FBXL20: variants seen among roughly 807,000 people sequenced by gnomAD.
FBXL20 encodes the protein F-box/LRR-repeat protein 20.
A neutral mutation model predicts 64.0 loss-of-function variants in FBXL20; 11 were observed. The ratio of observed to expected loss-of-function variants is 0.17; its 90% confidence interval spans 0.11 to 0.28. The LOEUF (loss-of-function observed/expected upper bound fraction) is 0.28, where lower values mean the gene tolerates loss of function less well. Among genes scored for constraint, FBXL20 ranks in the 10% least tolerant of loss-of-function variants. FBXL20 has a pLI of 1.00. For missense variants in FBXL20, 303 were observed against 526.2 expected, an observed-to-expected ratio of 0.58 and a Z score of 4.15; for synonymous variants, 184 against 189.0, an observed-to-expected ratio of 0.97 and a Z score of 0.22.
chr17:39,300,708 A>G (rs563101461), intron 4 of FBXL20, among the ~76,000 whole-genome samples: 2 of 152,340 alleles, frequency 1.3e-5, no homozygotes, highest in South Asian at 4.1e-4. Context: ...TAAAATAAAC[A>G]TAGATTCAAT....
chr17:39,372,015 C>G (rs1424600871), intron 1 of FBXL20, among the ~76,000 whole-genome samples: 2 of 152,180 alleles, frequency 1.3e-5, no homozygotes, highest in African/African-American at 4.8e-5. Context: ...AGGAGCTTCA[C>G]AGACAAATCA....
At chr17:39,350,716 C>A (rs1293094174) in intron 1 of FBXL20, among the ~76,000 whole-genome samples, 1 of 152,116 alleles carries the variant, frequency 6.6e-6, no homozygotes, top group Non-Finnish European at 1.5e-5. Context: ...CATAAGTCTC[C>A]TAACTCCAGG....
chr17:39,396,657 G>T (rs982620429), intron 1 of FBXL20, among the ~76,000 whole-genome samples: 1 of 149,026 alleles, frequency 6.7e-6, no homozygotes, highest in Non-Finnish European at 1.5e-5. Context: ...AAAAAATTAA[G>T]ATTAATATGC....
intron 1 of FBXL20, among the ~76,000 whole-genome samples, chr17:39,361,610 A>C (rs1333118758): frequency 6.6e-6 from 1 of 151,946 alleles, no homozygotes; most frequent in Non-Finnish European, 1.5e-5. Context: ...ATCCTGGCTA[A>C]CACTGTGAAA....
At chr17:39,269,383 C>A (rs934984375) in intron 11 of FBXL20, among the ~76,000 whole-genome samples, 2 of 151,512 alleles carry the variant, frequency 1.3e-5, no homozygotes, top group African/African-American at 2.4e-5. Context: ...TTAGTAGAGA[C>A]GGGGTTTCAC....
intron 2 of FBXL20, among the ~76,000 whole-genome samples, chr17:39,339,028 T>C (rs754762512): frequency 2.7e-4 from 41 of 151,700 alleles, no homozygotes; most frequent in Admixed American, 1.4e-3. Context: ...ACTAGCCAAG[T>C]GTGGTGGTGC....
At chr17:39,325,686 C>T (rs1227731096) in intron 2 of FBXL20, among the ~76,000 whole-genome samples, 2 of 152,112 alleles carry the variant, frequency 1.3e-5, no homozygotes, top group Non-Finnish European at 2.9e-5. Flanking sequence ...TGTGAGGCAA[C>T]ATAAATTCTG....
In FBXL20 at chr17:39,401,398, C is replaced by T; in HGVS notation, c.5G>A (p.Arg2Lys). ...CTTGGTCACTCCGTTCACGTCCCTC[C>T]TCATGGGGCCGGCGGGTGCGGCCCG... MRRDVNGVTKSR... is the reference protein window; with the variant it reads MKRDVNGVTKSR... The change falls in exon 1 of 15, where the codon AGG (arginine) becomes AAG (lysine). Residue 2 changes from arginine (R) to lysine (K), a missense_variant. By Grantham distance (26) the Arg-to-Lys change is conservative. This residue lies in a region of FBXL20 where 246 missense variants were observed against 422.6 expected (regional missense o/e 0.58). Transcript: ENST00000264658. 6.2e-7 allele frequency: 1 copy of T among 1,608,822 alleles called. No individual in the cohort carries two copies. The highest frequency in any genetic ancestry group is 1.1e-5 in the South Asian group (1 of 90,450).
At chr17:39,348,151 G>A (rs2047652436) in intron 1 of FBXL20, among the ~76,000 whole-genome samples, 1 of 151,284 alleles carries the variant, frequency 6.6e-6, no homozygotes, top group African/African-American at 2.4e-5. Context: ...CCTGAGGGCT[G>A]TGTCACACAC....
intron 1 of FBXL20, among the ~76,000 whole-genome samples, chr17:39,363,827 C>CAAAAAACAAAAAAA (rs2047827136): frequency 1.3e-5 from 1 of 78,008 alleles, no homozygotes; most frequent in African/African-American, 5.4e-5. Flanking sequence ...AAAAAAAAAA[C>CAAAAAACAAAAAAA]AAAAAACAAA....
At chr17:39,336,382 A>G (rs1259989839) in intron 2 of FBXL20, among the ~76,000 whole-genome samples, 1 of 152,196 alleles carries the variant, frequency 6.6e-6, no homozygotes, top group Non-Finnish European at 1.5e-5. Flanking sequence ...GACACACACA[A>G]ATTTAAAAGA....
intron 4 of FBXL20, 151 bp downstream of exon 4, chr17:39,300,850 T>C: frequency 1.6e-6 from 1 of 633,690 alleles, no homozygotes; most frequent in South Asian, 2.4e-5. Context: ...CAGAAACCCT[T>C]GGTAACTTTG....
chr17:39,377,317 G>A (rs1248203344), intron 1 of FBXL20, among the ~76,000 whole-genome samples: 1 of 151,890 alleles, frequency 6.6e-6, no homozygotes, highest in Non-Finnish European at 1.5e-5. Flanking sequence ...TTTCATCCCT[G>A]ACCAATCAGC....
chr17:39,335,652 C>G (rs944492268), intron 2 of FBXL20, among the ~76,000 whole-genome samples: 2 of 146,440 alleles, frequency 1.4e-5, no homozygotes, highest in Non-Finnish European at 1.5e-5. Context: ...TCTTGGAAAA[C>G]ACAGTCTTTG....
At position 39,261,359 on chromosome 17, in the gene FBXL20, C is replaced by A. The variant is rs2046743726; in HGVS notation, c.*101G>T. 6 of 954,368 alleles carry A rather than the reference C, an allele frequency of 6.3e-6. No individual in the cohort carries two copies. The highest frequency in any genetic ancestry group is 1.0e-5 in the Non-Finnish European group (6 of 584,810). 59.1% of individuals were successfully genotyped at this position (954,368 alleles called of 1,614,324 possible). The stretch of plus-strand genomic sequence containing the variant: ...ACACTGCCCTCCCTCACTTTGTAAC[C>A]CTTGCTCAGAACACTGGGGTTGCTT... On this transcript the variant is annotated 3_prime_UTR_variant, in exon 15 of 15. Coordinates refer to ENST00000264658, the MANE Select transcript of FBXL20 (RefSeq NM_032875.3).
rs2046690806 is a variant in FBXL20 at position 39,255,881 on chromosome 17, C to T, written c.*5579G>A. 1.3e-5 allele frequency: 2 copies of T among 152,136 alleles called. No homozygotes were observed. Among genetic ancestry groups the T allele is most frequent in the East Asian group, 3.9e-4 (2 of 5,174 alleles). 9.4% of individuals were successfully genotyped at this position (152,136 alleles called of 1,614,324 possible). ...AAGGCAAGGTTAGTAACCTAGTAACCTATGTTCTTTGCTGGAGAATCAAAA... is the reference window on the plus strand; with the variant it reads ...AAGGCAAGGTTAGTAACCTAGTAACTTATGTTCTTTGCTGGAGAATCAAAA... On this transcript the variant is annotated 3_prime_UTR_variant, in exon 15 of 15. Coordinates refer to ENST00000264658, the MANE Select transcript of FBXL20 (RefSeq NM_032875.3).
chr17:39,308,448 T>A (rs2047202581), intron 2 of FBXL20, among the ~76,000 whole-genome samples: 1 of 151,604 alleles, frequency 6.6e-6, no homozygotes, highest in Non-Finnish European at 1.5e-5. Flanking sequence ...GGAACTGTGA[T>A]CACCCCACTA....
intron 1 of FBXL20, among the ~76,000 whole-genome samples, chr17:39,347,354 G>C (rs1380980634): frequency 6.6e-6 from 1 of 152,156 alleles, no homozygotes; most frequent in Non-Finnish European, 1.5e-5. Context: ...AGCACCTGTT[G>C]TTTCCCGACT....
chr17:39,382,092 C>CAAA (rs36115875), intron 1 of FBXL20, among the ~76,000 whole-genome samples: 773 of 71,356 alleles, frequency 0.011, 19 homozygotes, highest in African/African-American at 0.035. Context: ...GACTCCGTCT[C>CAAA]AAAAAAAAAA....
Sources: gnomAD v4.1 joint callset for allele counts (sites outside exome capture counted in the v4.1 genomes callset) on GRCh38, gnomAD v4.1.1 for gene constraint, gnomAD v4.1.1 regional missense constraint, MANE v1.5 for transcripts, NCBI Gene and HGNC (gene_info 2026-07-23, HGNC 2026-07-21) for gene names.